Variants in PARD3 observed in about 807,000 individuals in gnomAD.
PARD3 encodes par-3 family cell polarity regulator, also known as partitioning defective 3 homolog.
In PARD3, 75 loss-of-function variants were observed where a neutral mutation model predicts 155.4. The observed-to-expected ratio is 0.48, with a 90% CI of 0.40 to 0.58. The LOEUF is 0.58. Ranked by LOEUF, PARD3 falls within the 20% of genes least tolerant of loss-of-function variation. PARD3 has a pLI of 0.00. For missense variants in PARD3, 1,642 were observed against 1,721.7 expected (o/e 0.95, Z 0.82); for synonymous variants, 576 against 610.5 (o/e 0.94, Z 0.83).
At chr10:34,316,594 T>C (rs1360898841) in intron 20 of PARD3, among the ~76,000 whole-genome samples, 3 of 152,216 alleles carry the variant, frequency 2.0e-5, no homozygotes, top group African/African-American at 7.2e-5. Flanking sequence ...TTGAGCTCTA[T>C]GTTTAAATTT....
At chr10:34,227,146 T>C (rs1405012613) in intron 22 of PARD3, among the ~76,000 whole-genome samples, 1 of 152,168 alleles carries the variant, frequency 6.6e-6, no homozygotes, top group Admixed American at 6.5e-5. Flanking sequence ...CTGGAATCTA[T>C]AAGAAACTTA....
At chr10:34,435,613 GAACCCGAGCA>G (rs1324443999) in intron 5 of PARD3, among the ~76,000 whole-genome samples, 1 of 152,148 alleles carries the variant, frequency 6.6e-6, no homozygotes, top group Non-Finnish European at 1.5e-5. Flanking sequence ...TTTCTTCAGT[GAACCCGAGCA>G]ATCGAGAAAA....
At chr10:34,348,553 C>T (rs1002805710) in intron 14 of PARD3, among the ~76,000 whole-genome samples, 1 of 152,170 alleles carries the variant, frequency 6.6e-6, no homozygotes, top group African/African-American at 2.4e-5. Context: ...TATGTAAATA[C>T]ATCTAACAAT....
chr10:34,693,352 A>C (rs1275282273), intron 2 of PARD3, among the ~76,000 whole-genome samples: 4 of 152,216 alleles, frequency 2.6e-5, no homozygotes, highest in Non-Finnish European at 4.4e-5. Context: ...ATCAACCTAA[A>C]TATCTTTCAG....
rs1034813773 is a variant in PARD3, at chr10:34,574,069, T to A, written c.223-56910A>T. Among the ~76,000 whole-genome samples, 4 of 152,088 alleles carry A rather than the reference T, an allele frequency of 2.6e-5. No homozygotes were observed. The South Asian group carries it at 8.3e-4, about 31-fold the overall frequency. The stretch of plus-strand genomic sequence containing the variant: ...ATAATGTTAATATTATAAATTAATA[T>A]AGTATATTCTATAAGAATTCAGGTA... On this transcript the variant is annotated intron_variant, in intron 2 of 24. Coordinates refer to ENST00000374788, the MANE Select transcript of PARD3 (RefSeq NM_001184785.2).
At chr10:34,422,998 C>A (rs550237426) in intron 5 of PARD3, among the ~76,000 whole-genome samples, 2 of 152,278 alleles carry the variant, frequency 1.3e-5, no homozygotes, top group South Asian at 4.1e-4. Context: ...TATTACAGCA[C>A]TATTTACATT....
intron 2 of PARD3, among the ~76,000 whole-genome samples, chr10:34,650,064 C>T (rs890426244): frequency 1.3e-5 from 2 of 152,178 alleles, no homozygotes; most frequent in South Asian, 2.1e-4. Flanking sequence ...CTTCTGGAAA[C>T]CTCCTGAAGG....
At chr10:34,155,668 A>ATGTG (rs3039232) in intron 22 of PARD3, among the ~76,000 whole-genome samples, 16,497 of 140,284 alleles carry the variant, frequency 0.12, 1,048 homozygotes, top group Middle Eastern at 0.22. Flanking sequence ...CCCTCTAAAA[A>ATGTG]TGTGTGTGTG....
intron 2 of PARD3, among the ~76,000 whole-genome samples, chr10:34,644,382 A>G (rs2092771972): frequency 6.6e-6 from 1 of 152,246 alleles, no homozygotes; most frequent in South Asian, 2.1e-4. Flanking sequence ...CCCAAGGGCC[A>G]GCCCCACGCT....
intron 22 of PARD3, among the ~76,000 whole-genome samples, chr10:34,155,599 T>G (rs1053634062): frequency 6.6e-6 from 1 of 152,012 alleles, no homozygotes; most frequent in Admixed American, 6.6e-5. Context: ...AAGATGAACT[T>G]TTGGGCATTT....
chr10:34,466,246 G>A (rs1395707390), intron 4 of PARD3, among the ~76,000 whole-genome samples: 1 of 152,034 alleles, frequency 6.6e-6, no homozygotes, highest in Non-Finnish European at 1.5e-5. Flanking sequence ...GAAGCCTATG[G>A]GACCCTCGGC....
intron 2 of PARD3, among the ~76,000 whole-genome samples, chr10:34,672,062 G>A (rs536731687): frequency 6.6e-6 from 1 of 151,958 alleles, no homozygotes; most frequent in East Asian, 1.9e-4. Flanking sequence ...TCAGCTACTG[G>A]GAGACTGAGG....
intron 22 of PARD3, among the ~76,000 whole-genome samples, chr10:34,212,152 A>G (rs1951786242): frequency 6.6e-6 from 1 of 151,788 alleles, no homozygotes; most frequent in Admixed American, 6.6e-5. Context: ...AATTTAACTG[A>G]TGATGCTATC....
At chr10:34,643,518 C>T (rs2092744314) in intron 2 of PARD3, among the ~76,000 whole-genome samples, 1 of 152,234 alleles carries the variant, frequency 6.6e-6, no homozygotes, top group South Asian at 2.1e-4. Flanking sequence ...GCATCAAGGC[C>T]TTCTGTAATT....
At chr10:34,252,611 C>T (rs997011166) in intron 22 of PARD3, among the ~76,000 whole-genome samples, 11 of 152,072 alleles carry the variant, frequency 7.2e-5, no homozygotes, top group South Asian at 2.1e-4. Flanking sequence ...TGGATCATCC[C>T]GACACAGTGG....
chr10:34,400,480 A>C (rs1473858772), intron 6 of PARD3, among the ~76,000 whole-genome samples: 1 of 152,180 alleles, frequency 6.6e-6, no homozygotes, highest in Non-Finnish European at 1.5e-5. Context: ...TCATATATAC[A>C]TATAACATCA....
At chr10:34,194,802 T>C (rs1242396305) in intron 22 of PARD3, among the ~76,000 whole-genome samples, 1 of 152,228 alleles carries the variant, frequency 6.6e-6, no homozygotes, top group Non-Finnish European at 1.5e-5. Flanking sequence ...AGTTAAATAC[T>C]TAACAGTTTA....
chr10:34,706,026 A>T (rs1380309263), intron 1 of PARD3, among the ~76,000 whole-genome samples: 1 of 152,208 alleles, frequency 6.6e-6, no homozygotes, highest in African/African-American at 2.4e-5. Context: ...ACACAAAGTC[A>T]TGGAAGTCCT....
At chr10:34,697,572 A>T (rs1484794889) in intron 1 of PARD3, among the ~76,000 whole-genome samples, 2 of 152,186 alleles carry the variant, frequency 1.3e-5, no homozygotes, top group African/African-American at 4.8e-5. Context: ...CACTTATTTT[A>T]AAAATGCAGA....
Sources: gnomAD v4.1 joint callset for allele counts (sites outside exome capture counted in the v4.1 genomes callset) on GRCh38, gnomAD v4.1.1 for gene constraint, MANE v1.5 for transcripts, NCBI Gene and HGNC (gene_info 2026-07-23, HGNC 2026-07-21) for gene names.